Variants in GPC3 observed in about 807,000 individuals in gnomAD.
GPC3 encodes glypican 3, also known as glypican-3.
Under a neutral mutation model 34.4 loss-of-function variants are expected in GPC3, and 3 were observed. The observed-to-expected ratio is 0.09, with a 90% CI of 0.04 to 0.23. GPC3 has a LOEUF of 0.23. GPC3 is among the 10% of genes least tolerant of loss of function. The probability of loss-of-function intolerance (pLI) is 1.00; values close to 1 mark genes in which losing one functional copy is unlikely to be tolerated. For missense variants in GPC3, 351 were observed against 445.6 expected (o/e 0.79, Z 1.91); for synonymous variants, 177 against 174.0 (o/e 1.02, Z -0.13).
chrX:133,596,287 C>T, intron 7 of GPC3, 153 bp downstream of exon 7: 2 of 529,942 alleles, frequency 3.8e-6, no homozygotes, highest in Non-Finnish European at 6.5e-6. Flanking sequence ...GAGAACTTCA[C>T]TTTCTAGAGC....
At chrX:133,922,961 A>G (rs188356457) in intron 2 of GPC3, among the ~76,000 whole-genome samples, 31 of 111,162 alleles carry the variant, frequency 2.8e-4, no homozygotes, top group African/African-American at 9.1e-4. Flanking sequence ...GACGGGGAAC[A>G]TGAAGGTCTA....
intron 6 of GPC3, among the ~76,000 whole-genome samples, chrX:133,599,247 G>A (rs750582197): frequency 1.8e-5 from 2 of 111,839 alleles, no homozygotes; most frequent in East Asian, 5.6e-4. Context: ...TTTATAACAC[G>A]GAATCTTTTA....
chrX:133,793,390 AT>A (rs1402493008), intron 2 of GPC3, among the ~76,000 whole-genome samples: 1 of 112,134 alleles, frequency 8.9e-6, no homozygotes, highest in Non-Finnish European at 1.9e-5. Context: ...TTTAATATGA[AT>A]TTTTATTGTG....
intron 2 of GPC3, among the ~76,000 whole-genome samples, chrX:133,873,271 C>T (rs2076001599): frequency 8.9e-6 from 1 of 111,739 alleles, no homozygotes; most frequent in Admixed American, 9.5e-5. Context: ...AAAAATGGTG[C>T]CAGGCATAAA....
At chrX:133,884,218 T>A (rs752144594) in intron 2 of GPC3, among the ~76,000 whole-genome samples, 5 of 111,652 alleles carry the variant, frequency 4.5e-5, no homozygotes, top group Non-Finnish European at 9.4e-5. Context: ...TTAACTGCGT[T>A]TACCAATTGC....
Position 133,721,904 on chromosome X carries a change from C to T in GPC3, c.1033-21876G>A, listed in dbSNP as rs145107770. 6.6e-4 allele frequency among the ~76,000 whole-genome samples: 74 copies of T among 111,324 alleles called. 1 individual carries two copies. In the East Asian group the frequency reaches 0.02, roughly 30 times the overall value. On this transcript the variant is annotated intron_variant, in intron 3 of 7. Transcript: ENST00000370818. ...CCTCTTAGATATGACAATGAAAGCA[C>T]AAATAACCAAAGCAAAAAATAGATG... is the stretch of plus-strand genomic sequence containing the variant.
intron 2 of GPC3, among the ~76,000 whole-genome samples, chrX:133,788,620 A>G (rs1252921195): frequency 9.2e-6 from 1 of 109,000 alleles, no homozygotes; most frequent in African/African-American, 3.4e-5. Flanking sequence ...ACTTTTGGCT[A>G]CCATCAGCTA....
chrX:133,891,057 A>T (rs1235701727), intron 2 of GPC3, among the ~76,000 whole-genome samples: 1 of 110,102 alleles, frequency 9.1e-6, no homozygotes, highest in Non-Finnish European at 1.9e-5. Flanking sequence ...AAATAAATAA[A>T]ATGTATATAC....
chrX:133,856,572 T>C (rs748946294), intron 2 of GPC3, among the ~76,000 whole-genome samples: 283 of 111,320 alleles, frequency 2.5e-3, no homozygotes, highest in African/African-American at 8.2e-3. Context: ...TACAATAGTG[T>C]GTATCTTTGT....
At chrX:133,883,369 G>A (rs1943269107) in intron 2 of GPC3, among the ~76,000 whole-genome samples, 1 of 111,302 alleles carries the variant, frequency 9.0e-6, no homozygotes, top group Admixed American at 9.6e-5. Flanking sequence ...TCCCAGCTTA[G>A]CATGGCCAAA....
At chrX:133,644,760 C>A (rs778471978) in intron 6 of GPC3, among the ~76,000 whole-genome samples, 4 of 111,176 alleles carry the variant, frequency 3.6e-5, no homozygotes, top group African/African-American at 1.3e-4. Flanking sequence ...CACTTAAATG[C>A]TGCAGGGATT....
intron 7 of GPC3, among the ~76,000 whole-genome samples, chrX:133,538,431 T>C (rs938895181): frequency 9.0e-6 from 1 of 111,591 alleles, no homozygotes; most frequent in African/African-American, 3.3e-5. Context: ...ACTCTCAGCA[T>C]TGCTTTCAGA....
intron 7 of GPC3, among the ~76,000 whole-genome samples, chrX:133,582,209 A>C (rs933569926): frequency 1.8e-5 from 2 of 112,491 alleles, no homozygotes; most frequent in Non-Finnish European, 3.7e-5. Flanking sequence ...GGATGTGATG[A>C]GTCTTCAGTG....
chrX:133,891,014 G>A (rs746568722), intron 2 of GPC3, among the ~76,000 whole-genome samples: 1 of 110,049 alleles, frequency 9.1e-6, no homozygotes, highest in East Asian at 2.8e-4. Context: ...GGGTGACATA[G>A]AGGGACACTG....
At chrX:133,701,262 T>G (rs760171376) in intron 3 of GPC3, among the ~76,000 whole-genome samples, 1 of 111,966 alleles carries the variant, frequency 8.9e-6, no homozygotes, top group East Asian at 2.8e-4. Flanking sequence ...AATATTAACA[T>G]TCTTATATAT....
intron 6 of GPC3, among the ~76,000 whole-genome samples, chrX:133,633,694 C>G (rs773230347): frequency 1.8e-5 from 2 of 112,108 alleles, no homozygotes; most frequent in East Asian, 5.6e-4. Context: ...GAAACAACTA[C>G]AGAGAGTCAA....
intron 2 of GPC3, among the ~76,000 whole-genome samples, chrX:133,937,432 A>C (rs2076328008): frequency 8.9e-6 from 1 of 111,838 alleles, no homozygotes; most frequent in Non-Finnish European, 1.9e-5. Context: ...GCAGCTTTTC[A>C]ACTTCAAGTC....
chrX:133,717,021 C>T (rs778514983), intron 3 of GPC3, among the ~76,000 whole-genome samples: 58 of 110,490 alleles, frequency 5.2e-4, no homozygotes, highest in Non-Finnish European at 9.3e-4. Context: ...AGGGCAGTGG[C>T]GTGATCTCAA....
At chrX:133,614,608 A>G (rs1029754907) in intron 6 of GPC3, among the ~76,000 whole-genome samples, 4 of 111,915 alleles carry the variant, frequency 3.6e-5, no homozygotes, top group Middle Eastern at 9.2e-3. Context: ...AATGTTAAAA[A>G]GAGTCTTTCA....
Sources: gnomAD v4.1 joint callset for allele counts (sites outside exome capture counted in the v4.1 genomes callset) on GRCh38, gnomAD v4.1.1 for gene constraint, MANE v1.5 for transcripts, NCBI Gene and HGNC (gene_info 2026-07-23, HGNC 2026-07-21) for gene names.